The following THSD7A variants were observed in gnomAD, a reference collection of about 807,000 sequenced individuals.
The protein encoded by THSD7A is thrombospondin type-1 domain-containing protein 7A.
Under a neutral mutation model 231.3 loss-of-function variants are expected in THSD7A, and 96 were observed. The observed-to-expected ratio is 0.41, with a 90% CI of 0.35 to 0.49. THSD7A has a LOEUF of 0.49. Ranked by LOEUF, THSD7A falls within the 20% of genes least tolerant of loss-of-function variation. The pLI is 0.05. For missense variants in THSD7A, 2,290 were observed against 2,070.2 expected (o/e 1.11, Z -2.06); for synonymous variants, 940 against 743.3 (o/e 1.26, Z -4.30).
Position 11,426,678 on chromosome 7 carries a change from T to G in THSD7A, c.3244-7A>C. 6.4e-7 allele frequency: 1 copy of G among 1,561,088 alleles called. No individual in the cohort carries two copies. On this transcript the variant is annotated splice_polypyrimidine_tract_variant and splice_region_variant and intron_variant, in intron 14 of 27. Coordinates refer to ENST00000423059, the MANE Select transcript of THSD7A (RefSeq NM_015204.3). ...TAAGAGTTCTTACCTGTGCCTGGAG[T>G]GGTGTTCAACAGGAATGATGAAAAG...
At chr7:11,718,902 A>T (rs1340449569) in intron 1 of THSD7A, among the ~76,000 whole-genome samples, 2 of 151,660 alleles carry the variant, frequency 1.3e-5, no homozygotes, top group African/African-American at 4.8e-5. Flanking sequence ...CATATTATGG[A>T]TACTGTTGAA....
chr7:11,567,013 T>A (rs978584824), intron 4 of THSD7A, among the ~76,000 whole-genome samples: 6 of 137,466 alleles, frequency 4.4e-5, no homozygotes, highest in Admixed American at 1.5e-4. Flanking sequence ...TGTTCCTGTT[T>A]ATCTCTAAGG....
intron 1 of THSD7A, chr7:11,820,389 C>T: frequency 7.7e-7 from 1 of 1,298,616 alleles, no homozygotes; most frequent in Non-Finnish European, 1.0e-6. Context: ...CTTCAATCTC[C>T]CATTCCTCCC....
chr7:11,821,306 C>A, intron 1 of THSD7A: 1 of 852,986 alleles, frequency 1.2e-6, no homozygotes, highest in South Asian at 1.3e-5. Context: ...TATTGGAAAC[C>A]AACAGTTTTG....
chr7:11,736,028 A>G (rs1297677116), intron 1 of THSD7A, among the ~76,000 whole-genome samples: 1 of 151,980 alleles, frequency 6.6e-6, no homozygotes, highest in Admixed American at 6.6e-5. Flanking sequence ...AAATACTTAC[A>G]TAGTTCTAAA....
At position 11,481,889 on chromosome 7, in the gene THSD7A, G is replaced by A; in HGVS notation, c.1916C>T (p.Thr639Ile). Residue 639 changes from threonine to isoleucine, a missense_variant, in exon 7 of 28, where the codon ACA becomes ATA. Thr to Ile is a moderately conservative substitution (Grantham distance 89, BLOSUM62 -1). Transcript: ENST00000423059. ...TGAGCAGGAGGACCACGTAGACCAT[G>A]TGCTGAGCACACAGTCTTTCGGGCA... ...APCPKDCVLS[T>I]WSTWSSCSHT... 6.2e-7 allele frequency: 1 copy of A among 1,613,804 alleles called. No homozygotes were observed. The highest frequency in any genetic ancestry group is 8.5e-7 in the Non-Finnish European group (1 of 1,179,754).
Position 11,407,423 on chromosome 7 carries a change from G to T in THSD7A, c.3799C>A (p.Leu1267Ile). 1 of 1,609,908 alleles carries T rather than the reference G, an allele frequency of 6.2e-7. No individual in the cohort carries two copies. Among genetic ancestry groups the T allele is most frequent in the Non-Finnish European group, 8.5e-7 (1 of 1,177,258 alleles). ...ATCTGCCAGTTCTTCTCCAAGCCAA[G>T]CTGGAAGAACAGAGGTAGATCAGGA... ...KSVDLKYCEA[L>I]GLEKNWQMNT... Residue 1267 changes from leucine to isoleucine, a missense_variant and splice_region_variant, in exon 20 of 28, where the codon CTT becomes ATT. Coordinates refer to ENST00000423059, the MANE Select transcript of THSD7A (RefSeq NM_015204.3).
At chr7:11,437,252 G>A (rs1173134762) in intron 13 of THSD7A, among the ~76,000 whole-genome samples, 1 of 152,078 alleles carries the variant, frequency 6.6e-6, no homozygotes, top group African/African-American at 2.4e-5. Context: ...CACCAGACAT[G>A]AATGGCAGCT....
At chr7:11,492,032 A>G (rs186578604) in intron 6 of THSD7A, among the ~76,000 whole-genome samples, 2 of 152,092 alleles carry the variant, frequency 1.3e-5, no homozygotes, top group Non-Finnish European at 2.9e-5. Context: ...CTGTGACTAC[A>G]TTACACCCTC....
intron 4 of THSD7A, among the ~76,000 whole-genome samples, chr7:11,565,005 C>A (rs769069555): frequency 6.6e-6 from 1 of 152,084 alleles, no homozygotes; most frequent in Admixed American, 6.6e-5. Context: ...TGGGGATGTA[C>A]CATCTGTTGC....
intron 11 of THSD7A, among the ~76,000 whole-genome samples, chr7:11,456,348 C>T (rs887291003): frequency 6.6e-6 from 1 of 151,852 alleles, no homozygotes; most frequent in Non-Finnish European, 1.5e-5. Flanking sequence ...TACTAAAGTT[C>T]TTAGAGTCAA....
intron 3 of THSD7A, 80 bp downstream of exon 3, chr7:11,593,174 T>C: frequency 6.5e-7 from 1 of 1,528,496 alleles, no homozygotes; most frequent in South Asian, 1.3e-5. Context: ...TTACTGTTGC[T>C]TAGAGTACTG....
chr7:11,528,890 G>A (rs1169637181), intron 6 of THSD7A, among the ~76,000 whole-genome samples: 1 of 152,004 alleles, frequency 6.6e-6, no homozygotes, highest in Non-Finnish European at 1.5e-5. Context: ...TTAACACAAG[G>A]CTAAGTACCA....
intron 6 of THSD7A, among the ~76,000 whole-genome samples, chr7:11,514,243 T>A (rs1787935577): frequency 6.6e-6 from 1 of 152,194 alleles, no homozygotes; most frequent in Admixed American, 6.5e-5. Context: ...CACATTATAT[T>A]TTACTTGTTT....
chr7:11,686,591 C>T (rs960216528), intron 1 of THSD7A, among the ~76,000 whole-genome samples: 6 of 151,908 alleles, frequency 3.9e-5, no homozygotes, highest in Non-Finnish European at 8.8e-5. Context: ...CCTAGGTGTC[C>T]ACCAATGGTG....
intron 1 of THSD7A, among the ~76,000 whole-genome samples, chr7:11,734,805 T>C (rs138050225): frequency 6.6e-6 from 1 of 151,936 alleles, no homozygotes; most frequent in Non-Finnish European, 1.5e-5. Flanking sequence ...TCCTGAAAAG[T>C]ATGAAAGCTC....
At chr7:11,481,314 C>T (rs1375734265) in intron 7 of THSD7A, among the ~76,000 whole-genome samples, 2 of 152,024 alleles carry the variant, frequency 1.3e-5, no homozygotes, top group Non-Finnish European at 2.9e-5. Context: ...CTCAAAGAAA[C>T]TGAAAATTGC....
rs115298730 is a variant in THSD7A at position 11,467,408 on chromosome 7, G to T, written c.2368+2471C>A. Among the ~76,000 whole-genome samples the T allele has an allele frequency of 6.9e-3, 1,049 of 152,212 alleles. 11 individuals are homozygous for T. Among genetic ancestry groups the T allele is most frequent in the African/African-American group, 0.024 (996 of 41,552 alleles). On this transcript the variant is annotated intron_variant, in intron 9 of 27. Transcript: ENST00000423059. The stretch of plus-strand genomic sequence containing the variant: ...TTCTATATGTTAAATGCAATTAAAA[G>T]CTTCCTTGATGTCTGGGACTGTGAT...
At chr7:11,593,110 A>G in intron 3 of THSD7A, 144 bp downstream of exon 3, 1 of 1,157,424 alleles carries the variant, frequency 8.6e-7, no homozygotes, top group Non-Finnish European at 1.2e-6. Flanking sequence ...TTATTCTGTA[A>G]AAAAAGTTTT....
Sources: allele counts gnomAD v4.1 joint callset (sites outside exome capture counted in the v4.1 genomes callset), GRCh38; gene constraint gnomAD v4.1.1; transcripts MANE v1.5; gene names NCBI Gene and HGNC (gene_info 2026-07-23, HGNC 2026-07-21).